The following SLC38A6 variants were observed in gnomAD, a reference collection of about 807,000 sequenced individuals.
SLC38A6 encodes solute carrier family 38 member 6.
In SLC38A6, 73 loss-of-function variants were observed where a neutral mutation model predicts 65.0. The ratio of observed to expected loss-of-function variants is 1.12; its 90% CI spans 0.93 to 1.37. SLC38A6 has a LOEUF of 1.37. Ranked by LOEUF, SLC38A6 falls within the 40% of genes most tolerant of loss-of-function variation. The pLI, the probability that SLC38A6 is intolerant of heterozygous loss-of-function variation, is 0.00. For synonymous variants in SLC38A6, 183 were observed against 178.8 expected, an observed-to-expected ratio of 1.02 and a Z score of -0.19; for missense variants, 561 against 531.1, an observed-to-expected ratio of 1.06 and a Z score of -0.55.
At chr14:61,008,749 T>C (rs1204090059) in intron 3 of SLC38A6, among the ~76,000 whole-genome samples, 2 of 152,206 alleles carry the variant, frequency 1.3e-5, no homozygotes, top group Non-Finnish European at 2.9e-5. Flanking sequence ...AGAAAGTATA[T>C]GCCCAGCCAA....
At chr14:61,037,919 C>T (rs1034926181) in intron 8 of SLC38A6, among the ~76,000 whole-genome samples, 27 of 152,148 alleles carry the variant, frequency 1.8e-4, no homozygotes, top group East Asian at 1.7e-3. Context: ...GAGAGGAGAG[C>T]GTGCCAATTC....
Position 60,984,903 on chromosome 14 carries a change from T to C in SLC38A6, c.310+100T>C. On this transcript the variant is annotated intron_variant, in intron 3 of 15. Coordinates refer to ENST00000267488, the MANE Select transcript of SLC38A6 (RefSeq NM_153811.3). ...TCTCAAATCTAATATCCAGTGAGCA[T>C]ACATTTTTATTAGATAGGGTGATCG... is the stretch of plus-strand genomic sequence containing the variant. 3.6e-6 allele frequency: 4 copies of C among 1,123,988 alleles called. No homozygotes were observed. In the Admixed American group the frequency reaches 7.2e-5, roughly 20 times the overall value. The allele number at this position is 1,123,988 out of a possible 1,614,324, so 69.6% of individuals were successfully genotyped here.
At chr14:61,016,933 A>G (rs190902241) in intron 4 of SLC38A6, among the ~76,000 whole-genome samples, 4 of 152,212 alleles carry the variant, frequency 2.6e-5, no homozygotes, top group East Asian at 1.9e-4. Flanking sequence ...AGGATACTCT[A>G]TCTGTAACTG....
chr14:61,072,194 G>A (rs2043252071), intron 15 of SLC38A6, among the ~76,000 whole-genome samples: 1 of 152,076 alleles, frequency 6.6e-6, no homozygotes, highest in African/African-American at 2.4e-5. Context: ...GAGAAAGCCC[G>A]CTTCCAAAGG....
At chr14:60,987,152 G>A (rs2037509211) in intron 3 of SLC38A6, 2 of 272,044 alleles carry the variant, frequency 7.4e-6, no homozygotes, top group East Asian at 3.0e-4. Flanking sequence ...AAAATTCTCT[G>A]TGGAGGTAGG....
At chr14:61,028,076 G>T (rs1236413833) in intron 5 of SLC38A6, among the ~76,000 whole-genome samples, 1 of 151,840 alleles carries the variant, frequency 6.6e-6, no homozygotes, top group Non-Finnish European at 1.5e-5. Flanking sequence ...AGAGTTGAGG[G>T]TACAACAAAG....
At chr14:61,062,736 A>G (rs1200051772) in intron 15 of SLC38A6, among the ~76,000 whole-genome samples, 1 of 152,072 alleles carries the variant, frequency 6.6e-6, no homozygotes, top group Non-Finnish European at 1.5e-5. Flanking sequence ...GCTGGAGTGC[A>G]GTGGTATAAT....
chr14:61,043,729 TTGAA>T (rs2041959575), intron 10 of SLC38A6, among the ~76,000 whole-genome samples: 1 of 150,818 alleles, frequency 6.6e-6, no homozygotes, highest in African/African-American at 2.4e-5. Context: ...TGGTATGCCT[TTGAA>T]TGGAGCCTGT....
intron 6 of SLC38A6, 131 bp downstream of exon 6, chr14:61,030,654 T>A: frequency 1.6e-6 from 1 of 606,470 alleles, no homozygotes; most frequent in Non-Finnish European, 2.9e-6. Context: ...AGTTACAAAT[T>A]AGGCAGAAGT....
At chr14:61,012,094 T>G (rs1350959481) in intron 3 of SLC38A6, among the ~76,000 whole-genome samples, 2 of 152,338 alleles carry the variant, frequency 1.3e-5, no homozygotes, top group Non-Finnish European at 2.9e-5. Context: ...ATTCAACTTC[T>G]TCCTGGTTTA....
intron 16 of SLC38A6, among the ~76,000 whole-genome samples, chr14:61,079,399 A>T (rs537703409): frequency 4.3e-4 from 65 of 151,816 alleles, no homozygotes; most frequent in South Asian, 3.6e-3. Context: ...AGCCTCCCAG[A>T]GTGCTGGGAT....
chr14:61,023,563 A>T (rs764895946), intron 5 of SLC38A6, among the ~76,000 whole-genome samples: 73 of 141,518 alleles, frequency 5.2e-4, no homozygotes, highest in Non-Finnish European at 8.8e-4. Flanking sequence ...ACTGTCTCAA[A>T]AATAATAATA....
intron 2 of SLC38A6, among the ~76,000 whole-genome samples, chr14:60,983,915 G>A (rs2037265372): frequency 6.6e-6 from 1 of 152,068 alleles, no homozygotes; most frequent in African/African-American, 2.4e-5. Context: ...GTGTTATTTT[G>A]TGAAGTTCCT....
intron 3 of SLC38A6, among the ~76,000 whole-genome samples, chr14:61,010,156 G>GT (rs2039446455): frequency 6.6e-6 from 1 of 152,080 alleles, no homozygotes; most frequent in Non-Finnish European, 1.5e-5. Context: ...TTTTTCATGT[G>GT]TTTTTTGGCT....
At chr14:61,079,946 T>A (rs1473793577) in intron 16 of SLC38A6, among the ~76,000 whole-genome samples, 1 of 151,736 alleles carries the variant, frequency 6.6e-6, no homozygotes, top group Non-Finnish European at 1.5e-5. Context: ...TCTAGAACAG[T>A]CCCCAGCAAG....
chr14:61,050,963 T>G (rs1352636820), intron 13 of SLC38A6, among the ~76,000 whole-genome samples: 1 of 152,182 alleles, frequency 6.6e-6, no homozygotes, highest in African/African-American at 2.4e-5. Flanking sequence ...CAAAAAAATG[T>G]GCATGAAGAG....
intron 6 of SLC38A6, among the ~76,000 whole-genome samples, chr14:61,034,682 C>T (rs1163474516): frequency 6.6e-6 from 1 of 152,082 alleles, no homozygotes; most frequent in East Asian, 1.9e-4. Context: ...AAGATAAACA[C>T]GTTGAGTATC....
chr14:61,082,245 G>A (rs1026584825), intron 16 of SLC38A6, among the ~76,000 whole-genome samples: 11 of 152,122 alleles, frequency 7.2e-5, no homozygotes, highest in African/African-American at 2.7e-4. Context: ...TCTGTCATAC[G>A]GCTGAAATCG....
chr14:61,010,698 T>C (rs554000631), intron 3 of SLC38A6, among the ~76,000 whole-genome samples: 1 of 152,204 alleles, frequency 6.6e-6, no homozygotes, highest in Non-Finnish European at 1.5e-5. Flanking sequence ...GTTGTAGATA[T>C]GCGACATTAT....
Sources: gnomAD v4.1 joint callset for allele counts (sites outside exome capture counted in the v4.1 genomes callset) on GRCh38, gnomAD v4.1.1 for gene constraint, MANE v1.5 for transcripts, NCBI Gene and HGNC (gene_info 2026-07-23, HGNC 2026-07-21) for gene names.